The following TLCD1 variants were observed in gnomAD, a reference collection of about 807,000 sequenced individuals.
TLCD1 encodes TLC domain-containing protein 1.
In TLCD1, 21 loss-of-function variants were observed where a neutral mutation model predicts 21.2. That is an observed-to-expected ratio of 0.99 (90% CI 0.70 to 1.42). The LOEUF is 1.42. TLCD1 is among the 40% of genes most tolerant of loss of function. TLCD1 has a pLI of 0.00. For missense variants in TLCD1, 344 were observed against 330.3 expected, an observed-to-expected ratio of 1.04 and a Z score of -0.32; for synonymous variants, 168 against 134.8, an observed-to-expected ratio of 1.25 and a Z score of -1.71.
In TLCD1 at chr17:28,724,681, G is replaced by A. The variant is rs1261829484; in HGVS notation, c.573C>T (p.Thr191=). Residue 191 remains threonine (T), a synonymous_variant, in exon 4 of 4, where the codon ACC becomes ACT. Coordinates refer to ENST00000292090, the MANE Select transcript of TLCD1 (RefSeq NM_138463.4). ...LFRLAPQAYL[T]HFFLRYVNQR... ...GGTTCACATAACGCAAGAAGAAATG[G>A]GTGAGGTAGGCCTGAGGGGCCAGGC... 9.3e-6 allele frequency: 15 copies of A among 1,614,142 alleles called. No homozygotes were observed. The highest frequency in any genetic ancestry group is 1.3e-5 in the Non-Finnish European group (15 of 1,179,998).
In TLCD1 at chr17:28,724,913, G is replaced by A; in HGVS notation, c.361-20C>T. The A allele has an allele frequency of 6.3e-7, 1 of 1,598,962 alleles. No individual in the cohort carries two copies. Among genetic ancestry groups the A allele is most frequent in the Non-Finnish European group, 8.5e-7 (1 of 1,172,116 alleles). The stretch of plus-strand genomic sequence containing the variant: ...CATGGCCTAGAGGGAAGAAAGAATA[G>A]GAGTTAGGGAACCCAGATGCAGACG... On this transcript the variant is annotated intron_variant, in intron 3 of 3. Coordinates refer to ENST00000292090, the MANE Select transcript of TLCD1 (RefSeq NM_138463.4).
chr17:28,727,139 T>C, upstream of TLCD1: 1 of 333,272 alleles, frequency 3.0e-6, no homozygotes, highest in Non-Finnish European at 5.5e-6. Flanking sequence ...TAAGCGGAGA[T>C]GAGAGCGGGG....
intron 1 of TLCD1, 121 bp downstream of exon 1, chr17:28,725,783 A>G: frequency 1.5e-6 from 2 of 1,345,442 alleles, no homozygotes; most frequent in Admixed American, 4.9e-5. Flanking sequence ...ACCAAACGGG[A>G]TCAGGTGAGA....
chr17:28,727,071 G>C (rs372287211), upstream of TLCD1: 2 of 570,424 alleles, frequency 3.5e-6, no homozygotes, highest in East Asian at 5.8e-5. Context: ...CTTTCGGGGA[G>C]AGTTTAGGTA....
In TLCD1 at chr17:28,725,852, G is replaced by C; in HGVS notation, c.194+52C>G. The C allele has an allele frequency of 7.6e-6, 12 of 1,582,838 alleles. No homozygotes were observed. The South Asian group carries it at 9.1e-5, about 12-fold the overall frequency. On this transcript the variant is annotated intron_variant, in intron 1 of 3. Transcript: ENST00000292090. ...GGTAGTAACACAAGAGCCGGCCCCG[G>C]CTCCCCGCTCAGGATCCCCTGGCCA...
chr17:28,727,716 T>G (rs1325014671), upstream of TLCD1: 1 of 151,934 alleles, frequency 6.6e-6, no homozygotes. Flanking sequence ...GCCTCCCAGA[T>G]TCAAGCGATT....
upstream of TLCD1, chr17:28,726,879 C>T: frequency 6.8e-7 from 1 of 1,471,720 alleles, no homozygotes; most frequent in Non-Finnish European, 9.2e-7. Flanking sequence ...TCAGACAGTC[C>T]CGGCCCTCGG....
At chr17:28,726,695 G>T, upstream of TLCD1, 1 of 1,486,932 alleles carries the variant, frequency 6.7e-7, no homozygotes, top group South Asian at 1.2e-5. Context: ...AGTGGTCTCC[G>T]TGCAGACCCA....
chr17:28,726,091 G>C lies in TLCD1; in HGVS notation c.7C>G (p.Arg3Gly), dbSNP rs1157334679. 4 of 1,452,624 alleles carry C rather than the reference G, an allele frequency of 2.8e-6. No homozygotes were observed. The Admixed American group carries it at 8.7e-5, about 32-fold the overall frequency. The allele number at this position is 1,452,624 out of a possible 1,614,324, so 90.0% of individuals were successfully genotyped here. A position where few individuals can be genotyped will look rare whatever the true frequency, so the allele number is the denominator to read the frequency against. MP[R>G]LLHPALPLLL... is the part of the protein sequence containing the mutation. ...AGCGGCAGGGCGGGGTGCAGCAGTC[G>C]GGGCATGCTGGCCCTCCCTGCCGTC... The change falls in exon 1 of 4, where the codon CGA (arginine) becomes GGA (glycine). Residue 3 changes from arginine (R) to glycine (G), a missense_variant. Physicochemically the swap from Arg to Gly is moderately radical, Grantham distance 125 (BLOSUM62 -2). Transcript: ENST00000292090.
chr17:28,724,423 G>A lies in TLCD1; in HGVS notation c.*87C>T. ...GAAGGTGGAGAGGCTGGCCTCAGAG[G>A]ACACCCAGGCTTGGGGCTAAGTCCC... On this transcript the variant is annotated 3_prime_UTR_variant, in exon 4 of 4. Coordinates refer to ENST00000292090, the MANE Select transcript of TLCD1 (RefSeq NM_138463.4). The A allele has an allele frequency of 6.6e-7, 1 of 1,515,478 alleles. No homozygotes were observed. Among genetic ancestry groups the A allele is most frequent in the African/African-American group, 1.4e-5 (1 of 72,422 alleles). The allele number at this position is 1,515,478 out of a possible 1,614,324, so 93.9% of individuals were successfully genotyped here.
upstream of TLCD1, chr17:28,727,522 TAA>T (rs1412473032): frequency 1.3e-5 from 2 of 152,364 alleles, no homozygotes; most frequent in African/African-American, 2.4e-5. Context: ...GGGCAGAAGA[TAA>T]AACGCCCCTT....
chr17:28,724,496 A>C lies in TLCD1; in HGVS notation c.*14T>G. 6.2e-7 allele frequency: 1 copy of C among 1,608,816 alleles called. No individual in the cohort carries two copies. The highest frequency in any genetic ancestry group is 1.1e-5 in the South Asian group (1 of 90,924). The stretch of plus-strand genomic sequence containing the variant: ...TGGCCTTGTCCGTTTTTGTTGTCCC[A>C]GGCTCTGTGCCCCTCACTCAGTCAA... On this transcript the variant is annotated 3_prime_UTR_variant, in exon 4 of 4. Transcript: ENST00000292090.
upstream of TLCD1, chr17:28,727,028 G>T: frequency 1.7e-6 from 1 of 588,714 alleles, no homozygotes. Context: ...CTGTGGCGCG[G>T]GCTCCCCCTC....
In TLCD1 at chr17:28,724,637, A is replaced by ATCCTGGGTATGAGC; in HGVS notation, c.616_617insGCTCATACCCAGGA (p.Phe206CysfsTer16). The ATCCTGGGTATGAGC allele has an allele frequency of 6.2e-7, 1 of 1,614,140 alleles. No individual in the cohort carries two copies. The highest frequency in any genetic ancestry group is 8.5e-7 in the Non-Finnish European group (1 of 1,180,018). On this transcript the variant is annotated frameshift_variant, in exon 4 of 4. Coordinates refer to ENST00000292090, the MANE Select transcript of TLCD1 (RefSeq NM_138463.4). LOFTEE classifies it high-confidence loss of function. Reference sequence around the variant, plus strand: ...CAGCATGAGCAGGATACCCAGCAGGAAGGTGCCCAGGGTCCTCTGGTTCAC... The same window carrying ATCCTGGGTATGAGC: ...CAGCATGAGCAGGATACCCAGCAGGATCCTGGGTATGAGCAGGTGCCCAGGGTCCTCTGGTTCAC...
upstream of TLCD1, chr17:28,726,930 G>T (rs2034242091): frequency 6.1e-6 from 6 of 980,746 alleles, no homozygotes; most frequent in Non-Finnish European, 9.3e-6. Flanking sequence ...CCTCCGATTT[G>T]CCGGGACAGC....
chr17:28,724,576 G>C lies in TLCD1; in HGVS notation c.678C>G (p.Leu226=). Residue 226 remains leucine, a synonymous_variant, in exon 4 of 4, where the codon CTC becomes CTG. Transcript: ENST00000292090. ...CATGCTCAGGGCAGAAGTCAGAGCG[G>C]AGGAGGCGGGAAAAGTAGATTATGA... ...VMIIIYFSRL[L]RSDFCPEHVP... is the part of the protein sequence containing the mutation. 1 of 1,614,128 alleles carries C rather than the reference G, an allele frequency of 6.2e-7. No homozygotes were observed. Among genetic ancestry groups the C allele is most frequent in the Non-Finnish European group, 8.5e-7 (1 of 1,179,964 alleles).
Position 28,726,038 on chromosome 17 carries a change from C to T in TLCD1, c.60G>A (p.Arg20=), listed in dbSNP as rs1345902898. The T allele has an allele frequency of 6.3e-7, 1 of 1,586,540 alleles. No individual in the cohort carries two copies. The change falls in exon 1 of 4, where the codon CGG becomes CGA. Residue 20 remains arginine, a synonymous_variant. Transcript: ENST00000292090. ...GGCGACAGAGCGCGCGCCGGAGCGC[C>T]CGGAAGGTCAGCGTGGCGCCCAGGA... ...PLLLGATLTF[R]ALRRALCRLP...
chr17:28,725,402 G>T lies in TLCD1; in HGVS notation c.278-16C>A. The T allele has an allele frequency of 6.2e-7, 1 of 1,614,122 alleles. No homozygotes were observed. The highest frequency in any genetic ancestry group is 1.1e-5 in the South Asian group (1 of 91,072). On this transcript the variant is annotated splice_polypyrimidine_tract_variant and intron_variant, in intron 2 of 3. Coordinates refer to ENST00000292090, the MANE Select transcript of TLCD1 (RefSeq NM_138463.4). ...ATGAAATACCCTAGTGGAGGGATGG[G>T]GCAAGAGATCATGAACTGAACAAGC...
chr17:28,725,285 T>A lies in TLCD1; in HGVS notation c.360+19A>T. ...TTACTGACACCAGGCCTATACCACATAGTCTGCTTCTCTCTTACCATGACG... is the reference window on the plus strand; with the variant it reads ...TTACTGACACCAGGCCTATACCACAAAGTCTGCTTCTCTCTTACCATGACG... On this transcript the variant is annotated intron_variant, in intron 3 of 3. Transcript: ENST00000292090. The A allele has an allele frequency of 6.2e-7, 1 of 1,613,090 alleles. No individual in the cohort carries two copies. The highest frequency in any genetic ancestry group is 8.5e-7 in the Non-Finnish European group (1 of 1,179,112).
Sources: gnomAD v4.1 joint callset for allele counts on GRCh38, gnomAD v4.1.1 for gene constraint, MANE v1.5 for transcripts, NCBI Gene and HGNC (gene_info 2026-07-23, HGNC 2026-07-21) for gene names.